Variants in PHTF1 observed in about 807,000 individuals in gnomAD.
The protein encoded by PHTF1 is putative homeodomain transcription factor 1, also known as protein PHTF1.
In PHTF1, 88 loss-of-function variants were observed where a neutral mutation model predicts 102.4. The ratio of observed to expected loss-of-function variants is 0.86; its 90% CI spans 0.72 to 1.03. The LOEUF is 1.03. Among genes scored for constraint, PHTF1 ranks in the 50% least tolerant of loss-of-function variants. The pLI, the probability that PHTF1 is intolerant of heterozygous loss-of-function variation, is 0.00. For synonymous variants in PHTF1, 289 were observed against 305.2 expected (o/e 0.95, Z 0.55); for missense variants, 814 against 909.5 (o/e 0.89, Z 1.35).
chr1:113,732,097 T>G (rs541869234), intron 5 of PHTF1, among the ~76,000 whole-genome samples: 14 of 152,198 alleles, frequency 9.2e-5, no homozygotes, highest in Admixed American at 3.3e-4. Context: ...TCCTGTATTG[T>G]TGGTTTTGGG....
At chr1:113,704,046 T>G (rs1649745503) in intron 15 of PHTF1, 35 bp downstream of exon 15, 1 of 1,391,656 alleles carries the variant, frequency 7.2e-7, no homozygotes. Context: ...TAATAGAATT[T>G]TCATTTTTCC....
chr1:113,758,231 C>CAAAA (rs1162537319), intron 2 of PHTF1, among the ~76,000 whole-genome samples: 10,990 of 58,042 alleles, frequency 0.19, 1,512 homozygotes, highest in East Asian at 0.43. Flanking sequence ...AACTCCGTCT[C>CAAAA]AAAAAAAAAA....
chr1:113,739,514 C>T (rs1004800244), intron 3 of PHTF1, among the ~76,000 whole-genome samples: 11 of 152,196 alleles, frequency 7.2e-5, no homozygotes, highest in African/African-American at 2.7e-4. Flanking sequence ...TATTTCAATA[C>T]ATGCATACAA....
At chr1:113,747,296 G>C (rs920494311) in intron 3 of PHTF1, among the ~76,000 whole-genome samples, 1 of 152,076 alleles carries the variant, frequency 6.6e-6, no homozygotes, top group Non-Finnish European at 1.5e-5. Flanking sequence ...GCTTGTCCTA[G>C]AACTGTAATT....
At chr1:113,734,518 G>A (rs1321425925) in intron 5 of PHTF1, among the ~76,000 whole-genome samples, 3 of 152,220 alleles carry the variant, frequency 2.0e-5, no homozygotes, top group African/African-American at 7.2e-5. Flanking sequence ...TCTGTGGAAA[G>A]TGAAACTCGC....
chr1:113,709,530 G>A (rs1650736117), intron 11 of PHTF1, among the ~76,000 whole-genome samples: 1 of 152,178 alleles, frequency 6.6e-6, no homozygotes, highest in Non-Finnish European at 1.5e-5. Flanking sequence ...CTATCCAGAA[G>A]TGGAATAAGC....
At chr1:113,715,642 C>A (rs1441542799) in intron 7 of PHTF1, among the ~76,000 whole-genome samples, 2 of 29,556 alleles carry the variant, frequency 6.8e-5, no homozygotes, top group Non-Finnish European at 1.4e-4. Flanking sequence ...CAGTGAAACC[C>A]TGTCTCAAAA....
intron 4 of PHTF1, among the ~76,000 whole-genome samples, 185 bp downstream of exon 4, chr1:113,738,545 G>C (rs1056281909): frequency 2.0e-5 from 3 of 152,124 alleles, no homozygotes; most frequent in African/African-American, 7.2e-5. Flanking sequence ...TCTTTTACAT[G>C]TATGCATGTA....
chr1:113,727,518 G>A (rs1372006369), intron 5 of PHTF1, among the ~76,000 whole-genome samples: 1 of 152,210 alleles, frequency 6.6e-6, no homozygotes, highest in African/African-American at 2.4e-5. Flanking sequence ...ACATTTAAAA[G>A]TAGAAAATTT....
At chr1:113,731,713 GC>G (rs549343312) in intron 5 of PHTF1, among the ~76,000 whole-genome samples, 2 of 151,678 alleles carry the variant, frequency 1.3e-5, no homozygotes, top group Non-Finnish European at 2.9e-5. Context: ...GGCCAACGTG[GC>G]AAAACCCCCG....
intron 11 of PHTF1, among the ~76,000 whole-genome samples, chr1:113,709,212 G>A (rs1240435622): frequency 6.6e-6 from 1 of 152,056 alleles, no homozygotes; most frequent in South Asian, 2.1e-4. Context: ...CTCCAGCCTG[G>A]GCAACAGAGT....
At chr1:113,699,936 A>G (rs756685187) in intron 16 of PHTF1, 137 bp from the exon 17 acceptor site, 23 of 681,480 alleles carry the variant, frequency 3.4e-5, no homozygotes, top group Non-Finnish European at 5.2e-5. Flanking sequence ...TACAGAGAAC[A>G]TATGTCATGT....
Position 113,697,493 on chromosome 1 carries a change from T to C in PHTF1, c.*212A>G, listed in dbSNP as rs920152998. On this transcript the variant is annotated 3_prime_UTR_variant, in exon 19 of 19. Transcript: ENST00000369604. ...TAGTCAGCTGACTATTCATGTTGTTTGAAAAGCATGAAAATACAGGTTTTT... is the reference window on the plus strand; with the variant it reads ...TAGTCAGCTGACTATTCATGTTGTTCGAAAAGCATGAAAATACAGGTTTTT... 5 of 496,944 alleles carry C rather than the reference T, an allele frequency of 1.0e-5. No homozygotes were observed. The highest frequency in any genetic ancestry group is 1.0e-4 in the African/African-American group (5 of 50,192). 30.8% of individuals were successfully genotyped at this position (496,944 alleles called of 1,614,324 possible).
intron 7 of PHTF1, among the ~76,000 whole-genome samples, chr1:113,721,351 AC>A (rs1389822253): frequency 5.3e-5 from 8 of 152,146 alleles, no homozygotes; most frequent in Admixed American, 4.6e-4. Context: ...GAAGGAACAT[AC>A]CTCAAAACAA....
chr1:113,717,897 G>T (rs913380931), intron 7 of PHTF1, among the ~76,000 whole-genome samples: 2 of 151,992 alleles, frequency 1.3e-5, no homozygotes, highest in Admixed American at 1.3e-4. Flanking sequence ...TTGAGATTTG[G>T]GTGGGGACAC....
At chr1:113,730,676 C>T (rs892544223) in intron 5 of PHTF1, among the ~76,000 whole-genome samples, 2 of 152,102 alleles carry the variant, frequency 1.3e-5, no homozygotes, top group South Asian at 4.1e-4. Context: ...ACAGCAAAAA[C>T]CACTTAAAAC....
At chr1:113,721,475 G>A (rs1163869699) in intron 7 of PHTF1, among the ~76,000 whole-genome samples, 2 of 152,146 alleles carry the variant, frequency 1.3e-5, no homozygotes, top group Non-Finnish European at 1.5e-5. Flanking sequence ...TTTCATCACT[G>A]TTATTCAACA....
intron 7 of PHTF1, among the ~76,000 whole-genome samples, chr1:113,721,492 T>C (rs896113810): frequency 1.3e-5 from 2 of 152,134 alleles, no homozygotes; most frequent in Admixed American, 6.5e-5. Flanking sequence ...AACATAGTAC[T>C]AGAAGTCCTA....
At chr1:113,706,798 C>A in intron 11 of PHTF1, 76 bp from the exon 12 acceptor site, 64 of 830,622 alleles carry the variant, frequency 7.7e-5, no homozygotes, top group East Asian at 3.1e-4. Context: ...AGGCTCCATT[C>A]ATTTGCCAAC....
Sources: gnomAD v4.1 joint callset for allele counts (sites outside exome capture counted in the v4.1 genomes callset) on GRCh38, gnomAD v4.1.1 for gene constraint, MANE v1.5 for transcripts, NCBI Gene and HGNC (gene_info 2026-07-23, HGNC 2026-07-21) for gene names.